PEAK1: variants seen among roughly 807,000 people sequenced by gnomAD.
PEAK1 encodes the protein pseudopodium enriched atypical kinase 1, also known as inactive tyrosine-protein kinase PEAK1.
PEAK1 carries 54 observed loss-of-function variants against 124.7 expected under a neutral mutation model. The observed-to-expected ratio is 0.43, with a 90% CI of 0.35 to 0.54. PEAK1 has a LOEUF of 0.54. Ranked by LOEUF, PEAK1 falls within the 20% of genes least tolerant of loss-of-function variation. The probability of loss-of-function intolerance (pLI) is 0.01; values close to 1 mark genes in which losing one functional copy is unlikely to be tolerated. For missense variants in PEAK1, 2,046 were observed against 2,134.5 expected (o/e 0.96, Z 0.82); for synonymous variants, 719 against 760.0 (o/e 0.95, Z 0.89).
chr15:77,341,400 T>G (rs1172122051), intron 2 of PEAK1, among the ~76,000 whole-genome samples: 1 of 151,870 alleles, frequency 6.6e-6, no homozygotes, highest in Admixed American at 6.6e-5. Context: ...CTCGGGAGGC[T>G]GAGGCAGAAG....
intron 1 of PEAK1, chr15:77,401,419 T>C (rs1399603649): frequency 2.6e-6 from 2 of 775,256 alleles, no homozygotes; most frequent in Non-Finnish European, 3.1e-6. Context: ...TTTCTTGTTC[T>C]TTCAACATTT....
chr15:77,239,880 A>C, intron 6 of PEAK1: 1 of 982,374 alleles, frequency 1.0e-6, no homozygotes, highest in South Asian at 4.7e-5. Context: ...CAAATTTGAG[A>C]GAGTAAAATC....
intron 2 of PEAK1, chr15:77,350,292 T>C (rs1339370755): frequency 3.0e-6 from 3 of 985,324 alleles, no homozygotes; most frequent in South Asian, 4.7e-5. Flanking sequence ...AGAATCAATA[T>C]ATAATTTGGG....
At chr15:77,314,998 C>T (rs2064782862) in intron 2 of PEAK1, among the ~76,000 whole-genome samples, 1 of 152,148 alleles carries the variant, frequency 6.6e-6, no homozygotes, top group African/African-American at 2.4e-5. Flanking sequence ...ACCTCAGCAT[C>T]ACACAGTATA....
At chr15:77,348,417 T>C in intron 2 of PEAK1, 1 of 924,742 alleles carries the variant, frequency 1.1e-6, no homozygotes, top group Middle Eastern at 5.6e-4. Context: ...GAAATGTCTT[T>C]AAAAAACAGC....
At chr15:77,254,949 T>G (rs2061057267) in intron 5 of PEAK1, among the ~76,000 whole-genome samples, 2 of 152,216 alleles carry the variant, frequency 1.3e-5, no homozygotes, top group South Asian at 4.1e-4. Flanking sequence ...TAAAATTGAC[T>G]GTTACAAAGA....
intron 1 of PEAK1, chr15:77,381,328 C>A (rs1027353245): frequency 1.2e-6 from 1 of 805,410 alleles, no homozygotes; most frequent in African/African-American, 1.9e-5. Flanking sequence ...GGCGAAAGCA[C>A]TGCTTGAGGC....
Position 77,353,182 on chromosome 15 carries a change from C to G in PEAK1, c.-603+11981G>C, listed in dbSNP as rs1016848869. On this transcript the variant is annotated intron_variant, in intron 2 of 9. Transcript: ENST00000682557. ...TGGCAAAGGCATTCCAAGTATCGAT[C>G]GTGTATGCTAAACAAGACACTTGGA... 3.3e-5 allele frequency among the ~76,000 whole-genome samples: 5 copies of G among 152,162 alleles called. 1 individual carries two copies. The East Asian group carries it at 9.6e-4, about 29-fold the overall frequency.
Position 77,114,808 on chromosome 15 carries a change from C to A in PEAK1, c.4589G>T (p.Gly1530Val), listed in dbSNP as rs1434610801. The change falls in exon 10 of 10, where the codon GGG becomes GTG. Residue 1530 changes from glycine (G) to valine (V), a missense_variant. By Grantham distance (109) the Gly-to-Val change is moderately radical. Transcript: ENST00000682557. ...ENLLLVHYQP[G>V]GTAQGFGPAE... ...AGGCCCAAAGCCTTGGGCAGTCCCCCCAGGCTGGTAGTGGACAAGTAGCAG... is the reference window on the plus strand; with the variant it reads ...AGGCCCAAAGCCTTGGGCAGTCCCCACAGGCTGGTAGTGGACAAGTAGCAG... The A allele has an allele frequency of 6.8e-6, 11 of 1,613,238 alleles. No homozygotes were observed. The highest frequency in any genetic ancestry group is 8.5e-6 in the Non-Finnish European group (10 of 1,179,930).
chr15:77,127,849 G>A (rs373344762), intron 9 of PEAK1, among the ~76,000 whole-genome samples: 20 of 152,286 alleles, frequency 1.3e-4, no homozygotes, highest in African/African-American at 4.6e-4. Flanking sequence ...GGAGGCTGAG[G>A]CGGGTGGATC....
intron 6 of PEAK1, among the ~76,000 whole-genome samples, chr15:77,237,727 T>C (rs545628950): frequency 9.2e-5 from 14 of 152,308 alleles, no homozygotes; most frequent in African/African-American, 3.4e-4. Flanking sequence ...AAAAAATTAT[T>C]AGATTTCTTC....
chr15:77,298,876 C>T (rs2063647709), intron 2 of PEAK1, among the ~76,000 whole-genome samples: 1 of 152,152 alleles, frequency 6.6e-6, no homozygotes, highest in Non-Finnish European at 1.5e-5. Context: ...AGCTAAACTT[C>T]CACTCCATCA....
At chr15:77,248,914 T>C (rs2152922234) in intron 6 of PEAK1, among the ~76,000 whole-genome samples, 1 of 152,314 alleles carries the variant, frequency 6.6e-6, no homozygotes, top group African/African-American at 2.4e-5. Context: ...AGCCTCTGCC[T>C]CCTGGTTCAA....
At chr15:77,243,973 T>TA (rs566829498) in intron 6 of PEAK1, among the ~76,000 whole-genome samples, 3,218 of 110,538 alleles carry the variant, frequency 0.029, 55 homozygotes, top group East Asian at 0.062. Flanking sequence ...TTTCTCAAAA[T>TA]AAAAAAAAAA....
intron 1 of PEAK1, among the ~76,000 whole-genome samples, chr15:77,389,535 T>C (rs1445015660): frequency 6.6e-6 from 1 of 152,230 alleles, no homozygotes; most frequent in African/African-American, 2.4e-5. Context: ...CTTGTGGTTA[T>C]ACATGAAATT....
At chr15:77,224,017 T>C (rs987779583) in intron 6 of PEAK1, among the ~76,000 whole-genome samples, 1 of 151,816 alleles carries the variant, frequency 6.6e-6, no homozygotes, top group African/African-American at 2.4e-5. Flanking sequence ...GAGAATCCTC[T>C]TTTAAACAAA....
At chr15:77,410,075 GTTT>G (rs71145825) in intron 1 of PEAK1, among the ~76,000 whole-genome samples, 2 of 141,254 alleles carry the variant, frequency 1.4e-5, no homozygotes, top group Admixed American at 7.0e-5. Flanking sequence ...GTGTGTGTGT[GTTT>G]TTTTTTTTTT....
At chr15:77,243,925 G>A (rs946735863) in intron 6 of PEAK1, among the ~76,000 whole-genome samples, 5 of 151,450 alleles carry the variant, frequency 3.3e-5, no homozygotes, top group Admixed American at 1.3e-4. Context: ...CTGAGATCGC[G>A]CCATTGCGCT....
chr15:77,334,665 C>G, intron 2 of PEAK1: 1 of 985,288 alleles, frequency 1.0e-6, no homozygotes, highest in Non-Finnish European at 1.2e-6. Context: ...ACTTTTGGAT[C>G]AGCATCATTT....
Sources: allele counts gnomAD v4.1 joint callset (sites outside exome capture counted in the v4.1 genomes callset), GRCh38; gene constraint gnomAD v4.1.1; transcripts MANE v1.5; gene names NCBI Gene and HGNC (gene_info 2026-07-23, HGNC 2026-07-21).